PCDHGB1: variants seen among roughly 807,000 people sequenced by gnomAD.
PCDHGB1 encodes the protein protocadherin gamma subfamily B, 1.
Under a neutral mutation model 56.6 loss-of-function variants are expected in PCDHGB1, and 34 were observed. That is an observed-to-expected ratio of 0.60 (90% confidence interval 0.46 to 0.80). The LOEUF (loss-of-function observed/expected upper bound fraction) is 0.80. PCDHGB1 is among the 30% of genes least tolerant of loss of function. The pLI is 0.00. For synonymous variants in PCDHGB1, 561 were observed against 505.9 expected (o/e 1.11, Z -1.46); for missense variants, 1,278 against 1,204.6 (o/e 1.06, Z -0.90).
rs773014837 is a variant in PCDHGB1 at position 141,374,968 on chromosome 5, T to G, written c.2409+22299T>G. 114 of 1,614,056 alleles carry G rather than the reference T, an allele frequency of 7.1e-5. No individual in the cohort carries two copies. The highest frequency in any genetic ancestry group is 3.3e-4 in the Middle Eastern group (2 of 6,062). On this transcript the variant is annotated intron_variant, in intron 1 of 3. Transcript: ENST00000523390. ...AGATCTCACAAATTTTCTGTTTGAA[T>G]GTTTTGACTGGAGAAATTTCAACTT... is the stretch of plus-strand genomic sequence containing the variant.
chr5:141,456,700 C>G (rs1420857227), intron 1 of PCDHGB1, among the ~76,000 whole-genome samples: 2 of 152,060 alleles, frequency 1.3e-5, no homozygotes, highest in Admixed American at 1.3e-4. Flanking sequence ...CGTGGTGGCT[C>G]GCGCCTGTAA....
At position 141,491,904 on chromosome 5, in the gene PCDHGB1, G is replaced by C; in HGVS notation, c.2410-2903G>C. The C allele has an allele frequency of 7.0e-7, 1 of 1,423,838 alleles. No individual in the cohort carries two copies. The allele number at this position is 1,423,838 out of a possible 1,614,324, so 88.2% of individuals were successfully genotyped here. ...GGATGGGGCTCCGAGCACCGGGGGT[G>C]GTGGCGACTGTGGGCGAGGGGAGGT... On this transcript the variant is annotated intron_variant, in intron 1 of 3. Coordinates refer to ENST00000523390, the MANE Select transcript of PCDHGB1 (RefSeq NM_018922.3). This position sits in a 1 kb window ranked among gnomAD's most constrained non-coding sequence, Gnocchi z 6.9.
intron 1 of PCDHGB1, chr5:141,362,736 AC>A: frequency 1.3e-6 from 1 of 764,592 alleles, no homozygotes; most frequent in Non-Finnish European, 2.0e-6. Flanking sequence ...AGATTTATTT[AC>A]CCATGATTGC....
At chr5:141,413,451 CA>C (rs1561742676) in intron 1 of PCDHGB1, 1 of 1,614,118 alleles carries the variant, frequency 6.2e-7, no homozygotes, top group East Asian at 2.2e-5. Context: ...TCACCGCGGG[CA>C]GGATAGACCG....
chr5:141,375,314 G>T, intron 1 of PCDHGB1: 2 of 1,613,798 alleles, frequency 1.2e-6, no homozygotes, highest in Non-Finnish European at 1.7e-6. Flanking sequence ...TGCAGCTCTA[G>T]ACCGGGAAGA....
At chr5:141,502,488 T>A (rs1273845698) in intron 2 of PCDHGB1, among the ~76,000 whole-genome samples, 1 of 152,236 alleles carries the variant, frequency 6.6e-6, no homozygotes, top group Non-Finnish European at 1.5e-5. Context: ...ACACTGGGAC[T>A]CATCTAACGT....
At position 141,472,488 on chromosome 5, in the gene PCDHGB1, C is replaced by T. The variant is rs183545662; in HGVS notation, c.2410-22319C>T. 4.0e-3 allele frequency among the ~76,000 whole-genome samples: 607 copies of T among 151,768 alleles called. 6 individuals carry two copies. The highest frequency in any genetic ancestry group is 0.011 in the Admixed American group (174 of 15,254). On this transcript the variant is annotated intron_variant, in intron 1 of 3. Coordinates refer to ENST00000523390, the MANE Select transcript of PCDHGB1 (RefSeq NM_018922.3). Reference sequence around the variant, plus strand: ...CCAGAAGGCAGAGCTTGCAGTGAGACGAGATCGTGCCACTGCACTCCAGCC... The same window carrying T: ...CCAGAAGGCAGAGCTTGCAGTGAGATGAGATCGTGCCACTGCACTCCAGCC...
intron 1 of PCDHGB1, chr5:141,361,812 G>A (rs748753973): frequency 1.9e-6 from 3 of 1,613,072 alleles, no homozygotes; most frequent in Non-Finnish European, 1.7e-6. Context: ...ATGACAATGC[G>A]CCACGGGTGC....
In PCDHGB1 at chr5:141,405,069, C is replaced by T. The variant is rs200974828; in HGVS notation, c.2409+52400C>T. On this transcript the variant is annotated intron_variant, in intron 1 of 3. Coordinates refer to ENST00000523390, the MANE Select transcript of PCDHGB1 (RefSeq NM_018922.3). ...GCAGTCGTCTCCTGTGTCTTCCTCA[C>T]CTTCGTTATCACGCTGCTGGCCCTC... is the stretch of plus-strand genomic sequence containing the variant. 1.3e-4 allele frequency: 215 copies of T among 1,613,758 alleles called. No individual in the cohort carries two copies. The highest frequency in any genetic ancestry group is 1.7e-4 in the Non-Finnish European group (203 of 1,179,762).
intron 1 of PCDHGB1, among the ~76,000 whole-genome samples, chr5:141,484,730 G>T (rs1231473842): frequency 6.6e-6 from 1 of 151,728 alleles, no homozygotes; most frequent in Non-Finnish European, 1.5e-5. Context: ...GGGGTCAGTC[G>T]GTGTGTTAGG....
rs374478954 is a variant in PCDHGB1 at position 141,370,771 on chromosome 5, T to C, written c.2409+18102T>C. The C allele has an allele frequency of 2.0e-5, 33 of 1,614,000 alleles. No homozygotes were observed. The African/African-American group carries it at 3.9e-4, about 19-fold the overall frequency. On this transcript the variant is annotated intron_variant, in intron 1 of 3. Coordinates refer to ENST00000523390, the MANE Select transcript of PCDHGB1 (RefSeq NM_018922.3). Reference sequence around the variant, plus strand: ...CATGTAACTGTGCTGATCCAGGATATTAACGACAACCCACCGACCTTTAGC... The same window carrying C: ...CATGTAACTGTGCTGATCCAGGATACTAACGACAACCCACCGACCTTTAGC...
chr5:141,394,809 G>C (rs1346374248), intron 1 of PCDHGB1: 1 of 1,613,892 alleles, frequency 6.2e-7, no homozygotes, highest in Non-Finnish European at 8.5e-7. Flanking sequence ...AGCCGTGGCT[G>C]ACAGCATCCC....
chr5:141,464,419 A>G (rs2099083824), intron 1 of PCDHGB1, among the ~76,000 whole-genome samples: 1 of 151,768 alleles, frequency 6.6e-6, no homozygotes, highest in South Asian at 2.1e-4. Context: ...ATATATCTAT[A>G]TATATAGATA....
chr5:141,371,753 C>G, intron 1 of PCDHGB1: 1 of 1,614,050 alleles, frequency 6.2e-7, no homozygotes, highest in Non-Finnish European at 8.5e-7. Context: ...CCGTTTTCCA[C>G]CAGGCCTCCT....
intron 1 of PCDHGB1, chr5:141,429,110 T>A (rs2097186231): frequency 6.6e-6 from 1 of 151,978 alleles, no homozygotes; most frequent in Non-Finnish European, 1.5e-5. Context: ...CGCCTCGGCC[T>A]CCCAAAGTGC....
In PCDHGB1 at chr5:141,493,026, C is replaced by T. The variant is rs73280358; in HGVS notation, c.2410-1781C>T. 6.6e-6 allele frequency among the ~76,000 whole-genome samples: 1 copy of T among 152,190 alleles called. No individual in the cohort carries two copies. The highest frequency in any genetic ancestry group is 1.5e-5 in the Non-Finnish European group (1 of 68,034). Reference sequence around the variant, plus strand: ...TAGGCTCTGCCAGATGCCAGGGTGCCCTTATGTGTGAGGAAACTACAATAG... The same window carrying T: ...TAGGCTCTGCCAGATGCCAGGGTGCTCTTATGTGTGAGGAAACTACAATAG... On this transcript the variant is annotated intron_variant, in intron 1 of 3. Coordinates refer to ENST00000523390, the MANE Select transcript of PCDHGB1 (RefSeq NM_018922.3). This position sits in a 1 kb window ranked among gnomAD's most constrained non-coding sequence, Gnocchi z 4.3.
At position 141,432,395 on chromosome 5, in the gene PCDHGB1, G is replaced by A; in HGVS notation, c.2410-62412G>A. 6.2e-7 allele frequency: 1 copy of A among 1,614,240 alleles called. No individual in the cohort carries two copies. ...CGGGCACCCGCCCCTCAGCAGCAAC[G>A]TGTCGTTGAGCCTGTTCGTGCTGGA... On this transcript the variant is annotated intron_variant, in intron 1 of 3. Coordinates refer to ENST00000523390, the MANE Select transcript of PCDHGB1 (RefSeq NM_018922.3). This position sits in a 1 kb window ranked among gnomAD's most constrained non-coding sequence, Gnocchi z 6.0.
intron 1 of PCDHGB1, chr5:141,365,741 A>C: frequency 1.2e-6 from 2 of 1,613,506 alleles, no homozygotes; most frequent in African/African-American, 1.3e-5. Context: ...AGGTGTCTCT[A>C]TCTTCTCTGT....
chr5:141,465,781 T>G (rs2099109506), intron 1 of PCDHGB1, among the ~76,000 whole-genome samples: 1 of 150,278 alleles, frequency 6.7e-6, no homozygotes, highest in Non-Finnish European at 1.5e-5. Context: ...TTGTTACAGT[T>G]TTTTTTTTTT....
Sources: gnomAD v4.1 joint callset for allele counts (sites outside exome capture counted in the v4.1 genomes callset) on GRCh38, gnomAD v4.1.1 for gene constraint, Gnocchi (gnomAD v3.1) non-coding constraint, MANE v1.5 for transcripts, NCBI Gene and HGNC (gene_info 2026-07-23, HGNC 2026-07-21) for gene names.